ATRNL1: variants seen among roughly 807,000 people sequenced by gnomAD.
ATRNL1 encodes the protein attractin-like protein 1.
In ATRNL1, 95 loss-of-function variants were observed where a neutral mutation model predicts 182.7. The observed-to-expected ratio is 0.52, with a 90% CI of 0.44 to 0.62. The LOEUF (loss-of-function observed/expected upper bound fraction) is 0.62. ATRNL1 is among the 20% of genes least tolerant of loss of function. The pLI is 0.00. For missense variants in ATRNL1, 1,471 were observed against 1,679.5 expected, an observed-to-expected ratio of 0.88 and a Z score of 2.17; for synonymous variants, 576 against 568.3, an observed-to-expected ratio of 1.01 and a Z score of -0.19.
intron 27 of ATRNL1, among the ~76,000 whole-genome samples, chr10:115,800,784 G>A (rs1555084181): frequency 6.6e-6 from 1 of 152,182 alleles, no homozygotes; most frequent in South Asian, 2.1e-4. Flanking sequence ...CAGCAAGAAG[G>A]CAGCCATCTG....
At chr10:115,294,019 G>T (rs980942251) in intron 15 of ATRNL1, among the ~76,000 whole-genome samples, 5 of 152,146 alleles carry the variant, frequency 3.3e-5, no homozygotes, top group Non-Finnish European at 7.3e-5. Flanking sequence ...GACTTGGGAA[G>T]TTTTCAAGTG....
chr10:115,379,155 C>T (rs998183230), intron 19 of ATRNL1, among the ~76,000 whole-genome samples: 2 of 151,846 alleles, frequency 1.3e-5, no homozygotes, highest in Non-Finnish European at 2.9e-5. Flanking sequence ...ATATGTTGGC[C>T]TCATTATGTT....
chr10:115,433,451 A>T (rs898358271), intron 21 of ATRNL1, among the ~76,000 whole-genome samples: 1 of 152,108 alleles, frequency 6.6e-6, no homozygotes, highest in Non-Finnish European at 1.5e-5. Flanking sequence ...TGGCTGTTTC[A>T]TTTGCACATG....
At chr10:115,290,171 T>C (rs544006894) in intron 15 of ATRNL1, among the ~76,000 whole-genome samples, 2 of 152,208 alleles carry the variant, frequency 1.3e-5, no homozygotes, top group East Asian at 1.9e-4. Context: ...ACCTAGTTTG[T>C]TGTTTGTGTA....
At chr10:115,669,768 C>A (rs1361960513) in intron 26 of ATRNL1, among the ~76,000 whole-genome samples, 1 of 152,078 alleles carries the variant, frequency 6.6e-6, no homozygotes, top group Non-Finnish European at 1.5e-5. Context: ...AATGCCCTTT[C>A]TTCTACAACT....
chr10:115,939,512 A>G (rs1353705929), intron 28 of ATRNL1, among the ~76,000 whole-genome samples: 1 of 152,162 alleles, frequency 6.6e-6, no homozygotes, highest in Non-Finnish European at 1.5e-5. Context: ...TGTTGAATCT[A>G]CTGGTATATT....
intron 27 of ATRNL1, among the ~76,000 whole-genome samples, chr10:115,834,986 C>G (rs923977576): frequency 3.9e-5 from 6 of 152,134 alleles, no homozygotes; most frequent in Non-Finnish European, 8.8e-5. Context: ...CAGTGTCCAC[C>G]AACTGCTTTT....
chr10:115,657,466 G>C (rs1450880039), intron 26 of ATRNL1, among the ~76,000 whole-genome samples: 1 of 152,154 alleles, frequency 6.6e-6, no homozygotes, highest in Non-Finnish European at 1.5e-5. Flanking sequence ...CATGGCAGTT[G>C]CATTCTTGAA....
intron 28 of ATRNL1, among the ~76,000 whole-genome samples, chr10:115,897,231 T>C (rs1952231017): frequency 6.6e-6 from 1 of 152,222 alleles, no homozygotes; most frequent in Admixed American, 6.5e-5. Context: ...AAGTTATGAC[T>C]ATACTGAATT....
chr10:115,452,149 T>A (rs1395534723), intron 21 of ATRNL1, among the ~76,000 whole-genome samples: 1 of 152,136 alleles, frequency 6.6e-6, no homozygotes, highest in East Asian at 1.9e-4. Context: ...TATTGGATAC[T>A]GGGTTTAATA....
chr10:115,856,971 G>A (rs188948778), intron 28 of ATRNL1, among the ~76,000 whole-genome samples: 3 of 152,062 alleles, frequency 2.0e-5, no homozygotes, highest in East Asian at 1.9e-4. Flanking sequence ...TTCTGTCTCT[G>A]CCACCCTGAG....
chr10:115,195,891 T>G (rs1399784493), intron 8 of ATRNL1, among the ~76,000 whole-genome samples: 1 of 152,140 alleles, frequency 6.6e-6, no homozygotes, highest in Non-Finnish European at 1.5e-5. Context: ...AAGGTCACAT[T>G]TTTCTCATGC....
intron 9 of ATRNL1, among the ~76,000 whole-genome samples, chr10:115,226,498 C>T (rs1013316982): frequency 6.6e-6 from 1 of 151,740 alleles, no homozygotes; most frequent in Non-Finnish European, 1.5e-5. Flanking sequence ...GCTATACTGG[C>T]CAAAGCAATT....
chr10:115,903,582 C>G (rs1390355517), intron 28 of ATRNL1, among the ~76,000 whole-genome samples: 1 of 152,194 alleles, frequency 6.6e-6, no homozygotes, highest in African/African-American at 2.4e-5. Flanking sequence ...GATTCAAATC[C>G]TTTAGCCAGA....
chr10:115,686,063 G>A (rs1013362971), intron 26 of ATRNL1, among the ~76,000 whole-genome samples: 25 of 151,222 alleles, frequency 1.7e-4, no homozygotes, highest in Non-Finnish European at 1.2e-4. Context: ...TTAGAACAAT[G>A]TTTATAATTT....
chr10:115,322,606 G>C (rs1854639481), intron 18 of ATRNL1, among the ~76,000 whole-genome samples: 4 of 151,666 alleles, frequency 2.6e-5, no homozygotes, highest in Admixed American at 2.6e-4. Flanking sequence ...TTTTCTTTTT[G>C]CATGGAGTTG....
chr10:115,671,347 G>C (rs1174629570), intron 26 of ATRNL1, among the ~76,000 whole-genome samples: 2 of 151,960 alleles, frequency 1.3e-5, no homozygotes, highest in Non-Finnish European at 2.9e-5. Flanking sequence ...AAAGGAAAGA[G>C]AAGAAAAGAA....
chr10:115,676,214 TCA>T (rs1319949967), intron 26 of ATRNL1, among the ~76,000 whole-genome samples: 2 of 152,024 alleles, frequency 1.3e-5, no homozygotes, highest in Admixed American at 6.6e-5. Context: ...AAAACTTTAA[TCA>T]CAAAAACTAA....
chr10:115,184,532 C>CA (rs1554888423), intron 8 of ATRNL1, among the ~76,000 whole-genome samples: 1 of 151,056 alleles, frequency 6.6e-6, no homozygotes, highest in Non-Finnish European at 1.5e-5. Context: ...CTAATTTGAG[C>CA]AAAAATGAAC....
Sources: gnomAD v4.1 joint callset for allele counts (sites outside exome capture counted in the v4.1 genomes callset) on GRCh38, gnomAD v4.1.1 for gene constraint, MANE v1.5 for transcripts, NCBI Gene and HGNC (gene_info 2026-07-23, HGNC 2026-07-21) for gene names.